Variants in DIP2C observed in about 807,000 individuals in gnomAD.
DIP2C encodes disco-interacting protein 2 homolog C.
A neutral mutation model predicts 192.4 loss-of-function variants in DIP2C; 33 were observed. That is an observed-to-expected ratio of 0.17 (90% CI 0.13 to 0.23). DIP2C has a LOEUF of 0.23. DIP2C is among the 10% of genes least tolerant of loss of function. The probability of loss-of-function intolerance (pLI) is 1.00; values close to 1 mark genes in which losing one functional copy is unlikely to be tolerated. For synonymous variants in DIP2C, 979 were observed against 864.1 expected, an observed-to-expected ratio of 1.13 and a Z score of -2.33; for missense variants, 1,537 against 2,110.1, an observed-to-expected ratio of 0.73 and a Z score of 5.32.
chr10:554,782 C>A (rs543683421), intron 1 of DIP2C, among the ~76,000 whole-genome samples: 2 of 152,312 alleles, frequency 1.3e-5, no homozygotes, highest in African/African-American at 4.8e-5. Flanking sequence ...GTGAGTCCTT[C>A]ATCAAAAGGC....
intron 3 of DIP2C, among the ~76,000 whole-genome samples, chr10:465,176 A>C (rs1266334821): frequency 2.9e-5 from 4 of 135,690 alleles, no homozygotes; most frequent in African/African-American, 1.1e-4. Flanking sequence ...GCACATCAAA[A>C]AGCTTATCCA....
chr10:333,031 T>C (rs1957572753), intron 29 of DIP2C, among the ~76,000 whole-genome samples: 1 of 152,170 alleles, frequency 6.6e-6, no homozygotes, highest in South Asian at 2.1e-4. Flanking sequence ...TGCTCCTGAG[T>C]AGCTGGGATG....
chr10:624,834 G>T (rs551864008), intron 1 of DIP2C, among the ~76,000 whole-genome samples: 1 of 152,302 alleles, frequency 6.6e-6, no homozygotes, highest in South Asian at 2.1e-4. Flanking sequence ...GAAAACTACG[G>T]AAGCTGTGAA....
intron 16 of DIP2C, among the ~76,000 whole-genome samples, chr10:383,609 A>C (rs1351307547): frequency 3.9e-5 from 6 of 152,232 alleles, no homozygotes; most frequent in African/African-American, 1.4e-4. Context: ...TACACCAAAA[A>C]GTACTAGCAG....
intron 4 of DIP2C, among the ~76,000 whole-genome samples, chr10:440,362 T>G (rs1270038305): frequency 6.6e-6 from 1 of 152,198 alleles, no homozygotes; most frequent in Non-Finnish European, 1.5e-5. Flanking sequence ...AGTTGAGTGG[T>G]TGTGACAGAC....
chr10:332,152 A>G (rs185143709), intron 29 of DIP2C, among the ~76,000 whole-genome samples: 4 of 152,214 alleles, frequency 2.6e-5, no homozygotes, highest in African/African-American at 9.6e-5. Context: ...GGGTCTCACT[A>G]TGTTGCCCAA....
chr10:592,640 T>G (rs1024997797), intron 1 of DIP2C, among the ~76,000 whole-genome samples: 3 of 152,184 alleles, frequency 2.0e-5, no homozygotes, highest in Non-Finnish European at 4.4e-5. Context: ...GCAACCCTGT[T>G]TGGAGGCACA....
intron 3 of DIP2C, among the ~76,000 whole-genome samples, chr10:464,508 A>T (rs573093470): frequency 1.1e-4 from 16 of 152,278 alleles, no homozygotes; most frequent in African/African-American, 3.8e-4. Context: ...GATGCTGGAG[A>T]GGATGTGAAG....
intron 1 of DIP2C, among the ~76,000 whole-genome samples, chr10:582,219 C>T (rs1850713573): frequency 6.6e-6 from 1 of 152,168 alleles, no homozygotes; most frequent in South Asian, 2.1e-4. Flanking sequence ...AGGGCTAAGC[C>T]CTACCGGCCA....
intron 3 of DIP2C, among the ~76,000 whole-genome samples, chr10:450,865 G>A (rs184174313): frequency 6.0e-4 from 92 of 152,268 alleles, no homozygotes; most frequent in African/African-American, 2.2e-3. Flanking sequence ...AAAAGACGAA[G>A]GAAATAGCAC....
chr10:576,893 G>A (rs1477871356), intron 1 of DIP2C, among the ~76,000 whole-genome samples: 3 of 151,986 alleles, frequency 2.0e-5, no homozygotes, highest in Non-Finnish European at 4.4e-5. Context: ...CTTCCAGCCT[G>A]GGTGACAGAG....
chr10:510,727 G>A (rs754028564), intron 1 of DIP2C, among the ~76,000 whole-genome samples: 8 of 152,238 alleles, frequency 5.3e-5, no homozygotes, highest in Admixed American at 2.0e-4. Context: ...TCACTGTGAC[G>A]TTAACAGCAG....
At chr10:532,712 TATGGGTGTGAGAGAGAGTATGGGTGTGA>T (rs1564824857) in intron 1 of DIP2C, among the ~76,000 whole-genome samples, 25 of 103,802 alleles carry the variant, frequency 2.4e-4, no homozygotes, top group African/African-American at 7.1e-4. Context: ...TGAGAGAGAG[TATGGGTGTGAGAGAGAGTATGGGTGTGA>T]GAGAGAGTAT....
chr10:553,729 T>C (rs760567075), intron 1 of DIP2C, among the ~76,000 whole-genome samples: 1 of 152,062 alleles, frequency 6.6e-6, no homozygotes, highest in African/African-American at 2.4e-5. Context: ...AGAAAAGGTA[T>C]AGCTTGTAAC....
intron 32 of DIP2C, among the ~76,000 whole-genome samples, chr10:289,847 G>C (rs369238296): frequency 6.6e-6 from 1 of 152,306 alleles, no homozygotes; most frequent in South Asian, 2.1e-4. Flanking sequence ...GGTGGCACCG[G>C]CCTGACGTCC....
intron 17 of DIP2C, 31 bp from the exon 18 acceptor site, chr10:369,664 A>T (rs776310595): frequency 6.2e-7 from 1 of 1,614,050 alleles, no homozygotes; most frequent in South Asian, 1.1e-5. Context: ...TTGAATATGC[A>T]GGAGCAGATA....
At chr10:498,579 CCT>C (rs1845017024) in intron 1 of DIP2C, among the ~76,000 whole-genome samples, 1 of 152,216 alleles carries the variant, frequency 6.6e-6, no homozygotes, top group Non-Finnish European at 1.5e-5. Flanking sequence ...CAGAGATGCA[CCT>C]CTGTCAAGGG....
chr10:334,979 C>T (rs1400685065), intron 29 of DIP2C, among the ~76,000 whole-genome samples: 1 of 152,132 alleles, frequency 6.6e-6, no homozygotes, highest in Non-Finnish European at 1.5e-5. Flanking sequence ...CAAAAAATAG[C>T]CTGCCAAGAT....
chr10:348,794 CA>C, intron 25 of DIP2C, 32 bp from the exon 26 acceptor site: 1 of 1,611,082 alleles, frequency 6.2e-7, no homozygotes, highest in Non-Finnish European at 8.5e-7. Flanking sequence ...ATCATTGAAG[CA>C]GACCACGCTG....
Sources: gnomAD v4.1 joint callset for allele counts (sites outside exome capture counted in the v4.1 genomes callset) on GRCh38, gnomAD v4.1.1 for gene constraint, MANE v1.5 for transcripts, NCBI Gene and HGNC (gene_info 2026-07-23, HGNC 2026-07-21) for gene names.